Variants in AGAP1 observed in about 807,000 individuals in gnomAD.
AGAP1 encodes arf-GAP with GTPase, ANK repeat and PH domain-containing protein 1.
Under a neutral mutation model 105.3 loss-of-function variants are expected in AGAP1, and 29 were observed. The ratio of observed to expected loss-of-function variants is 0.28; its 90% CI spans 0.21 to 0.38. AGAP1 has a LOEUF of 0.38. Among genes scored for constraint, AGAP1 ranks in the 10% least tolerant of loss-of-function variants. The probability of loss-of-function intolerance (pLI) is 1.00; values close to 1 mark genes in which losing one functional copy is unlikely to be tolerated. For missense variants in AGAP1, 998 were observed against 1,165.1 expected, an observed-to-expected ratio of 0.86 and a Z score of 2.09; for synonymous variants, 509 against 485.9, an observed-to-expected ratio of 1.05 and a Z score of -0.63.
intron 6 of AGAP1, among the ~76,000 whole-genome samples, chr2:235,780,811 G>C (rs148365648): frequency 2.0e-5 from 3 of 152,332 alleles, no homozygotes; most frequent in Admixed American, 1.3e-4. Context: ...GGTAGAAACA[G>C]TTGATCCTGG....
chr2:235,774,443 C>T (rs1220006546), intron 6 of AGAP1: 4 of 463,802 alleles, frequency 8.6e-6, no homozygotes, highest in Non-Finnish European at 1.8e-5. Flanking sequence ...AGTCACTTTT[C>T]CCAAGTCAGC....
At chr2:235,537,192 AG>A (rs1360742905) in intron 1 of AGAP1, among the ~76,000 whole-genome samples, 1 of 152,246 alleles carries the variant, frequency 6.6e-6, no homozygotes, top group African/African-American at 2.4e-5. Context: ...CAGCTAGCAA[AG>A]GTGGCAAGGA....
chr2:235,697,598 T>G (rs1039970948), intron 1 of AGAP1, among the ~76,000 whole-genome samples: 1 of 152,168 alleles, frequency 6.6e-6, no homozygotes, highest in Non-Finnish European at 1.5e-5. Context: ...CCAACCAATT[T>G]CTTAGTCTGC....
rs1477077077 is a variant in AGAP1, at chr2:235,494,239, G to A, written c.-448G>A. The A allele has an allele frequency of 6.9e-6, 1 of 145,472 alleles. No individual in the cohort carries two copies. Among genetic ancestry groups the A allele is most frequent in the Non-Finnish European group, 1.5e-5 (1 of 65,528 alleles). 9.0% of individuals were successfully genotyped at this position (145,472 alleles called of 1,614,324 possible). ...CCCACGCCACGGCCAGGAGCCCAGA[G>A]CAGCGCGGCCACACTGCCCAGGGGT... On this transcript the variant is annotated 5_prime_UTR_variant, in exon 1 of 18. Transcript: ENST00000304032.
chr2:235,925,993 A>G (rs1311302772), intron 11 of AGAP1, among the ~76,000 whole-genome samples: 1 of 152,266 alleles, frequency 6.6e-6, no homozygotes, highest in Non-Finnish European at 1.5e-5. Flanking sequence ...GAGTGAGAAT[A>G]CAGTGATTTT....
intron 16 of AGAP1, among the ~76,000 whole-genome samples, chr2:236,117,575 C>G (rs1244698877): frequency 6.6e-6 from 1 of 152,178 alleles, no homozygotes; most frequent in African/African-American, 2.4e-5. Flanking sequence ...TGGTTTATCC[C>G]TGGGTGATTT....
chr2:235,499,274 C>G (rs970685743), intron 1 of AGAP1, among the ~76,000 whole-genome samples: 2 of 152,182 alleles, frequency 1.3e-5, no homozygotes, highest in Non-Finnish European at 2.9e-5. Flanking sequence ...TTGAGAAGGC[C>G]CCAAAGAACC....
chr2:236,015,639 G>T (rs112940187), intron 13 of AGAP1, among the ~76,000 whole-genome samples: 21 of 152,120 alleles, frequency 1.4e-4, no homozygotes, highest in African/African-American at 4.8e-4. Flanking sequence ...CAGCCCAAGC[G>T]CACATAAGGG....
At chr2:235,827,920 C>T (rs1959161656) in intron 9 of AGAP1, among the ~76,000 whole-genome samples, 1 of 152,108 alleles carries the variant, frequency 6.6e-6, no homozygotes, top group African/African-American at 2.4e-5. Context: ...AGGGAGGCTG[C>T]ACTGGCTTCT....
rs138781115 is a variant in AGAP1 at position 235,498,611 on chromosome 2, C to G, written c.163+3762C>G. ...CCTTTCTTGTTCAATAAAGCTTGTT[C>G]TTCTTTCAAGGATAAAGCCTCTCTT... On this transcript the variant is annotated intron_variant, in intron 1 of 17. Coordinates refer to ENST00000304032, the MANE Select transcript of AGAP1 (RefSeq NM_001037131.3). Among the ~76,000 whole-genome samples the G allele has an allele frequency of 5.1e-3, 781 of 152,304 alleles. 6 individuals carry two copies. The highest frequency in any genetic ancestry group is 0.017 in the African/African-American group (722 of 41,560).
intron 1 of AGAP1, among the ~76,000 whole-genome samples, chr2:235,687,429 G>C (rs1949508006): frequency 2.6e-5 from 4 of 152,256 alleles, no homozygotes; most frequent in South Asian, 4.1e-4. Context: ...GCAGACCTTT[G>C]AGTCCAGATT....
rs574679184 is a variant in AGAP1, at chr2:235,568,608, C to T, written c.163+73759C>T. Among the ~76,000 whole-genome samples the T allele has an allele frequency of 7.2e-5, 11 of 152,200 alleles. No individual in the cohort carries two copies. In the South Asian group the frequency reaches 1.5e-3, roughly 20 times the overall value. On this transcript the variant is annotated intron_variant, in intron 1 of 17. Transcript: ENST00000304032. ...ATGTGGATCGCTGCTGGCTCAGTGC[C>T]GGTTGTAAAAGGAAGCAATTGCAGT... is the stretch of plus-strand genomic sequence containing the variant.
chr2:235,615,664 G>C lies in AGAP1; in HGVS notation c.164-93515G>C, dbSNP rs905925476. Among the ~76,000 whole-genome samples the C allele has an allele frequency of 1.3e-5, 2 of 152,156 alleles. No homozygotes were observed. The highest frequency in any genetic ancestry group is 4.8e-5 in the African/African-American group (2 of 41,442). ...TGCATTTTGCCTCTTGGGGAGCTGG[G>C]TTATTGTGAAACTAGGTCAAATTAT... On this transcript the variant is annotated intron_variant, in intron 1 of 17. Transcript: ENST00000304032. This position sits in a 1 kb window ranked among gnomAD's most constrained non-coding sequence, Gnocchi z 5.0.
At chr2:235,718,160 T>C (rs1003456767) in intron 3 of AGAP1, among the ~76,000 whole-genome samples, 8 of 152,228 alleles carry the variant, frequency 5.3e-5, no homozygotes, top group African/African-American at 1.9e-4. Flanking sequence ...CATTAGGCAT[T>C]TGCTTCTTCA....
chr2:236,040,222 G>A lies in AGAP1; in HGVS notation c.1801-529G>A, dbSNP rs371649969. On this transcript the variant is annotated intron_variant, in intron 14 of 17. Transcript: ENST00000304032. The surrounding 1 kb of genome is among the most constrained non-coding windows in gnomAD (Gnocchi z 5.6). ...TGTTTCTCCCTGCCCCCACCCTGGC[G>A]AGTGGCTTTGTCACTGTGGCAACCG... Among the ~76,000 whole-genome samples the A allele has an allele frequency of 6.6e-6, 1 of 152,274 alleles. No homozygotes were observed. The highest frequency in any genetic ancestry group is 2.1e-4 in the South Asian group (1 of 4,816).
At chr2:236,107,294 T>C (rs2059522955) in intron 16 of AGAP1, among the ~76,000 whole-genome samples, 1 of 152,134 alleles carries the variant, frequency 6.6e-6, no homozygotes, top group Non-Finnish European at 1.5e-5. Context: ...GCTGGGTGCT[T>C]CCTGAGTGCT....
intron 1 of AGAP1, among the ~76,000 whole-genome samples, chr2:235,679,161 A>G (rs1293986309): frequency 6.6e-6 from 1 of 152,206 alleles, no homozygotes; most frequent in East Asian, 1.9e-4. Context: ...CTTGACAACA[A>G]TACTTCGGTT....
At chr2:235,940,835 T>C (rs1485067386) in intron 12 of AGAP1, among the ~76,000 whole-genome samples, 3 of 152,164 alleles carry the variant, frequency 2.0e-5, no homozygotes, top group Non-Finnish European at 4.4e-5. Flanking sequence ...TGTCTCCACT[T>C]TCTTGACTAC....
chr2:235,737,729 C>T lies in AGAP1; in HGVS notation c.311-3234C>T, dbSNP rs941202816. Among the ~76,000 whole-genome samples the T allele has an allele frequency of 2.0e-5, 3 of 152,034 alleles. No homozygotes were observed. The highest frequency in any genetic ancestry group is 1.9e-4 in the East Asian group (1 of 5,180). ...TCATTCCACGAGAGCTGGGTGGTGA[C>T]GCTCCCCAAGTTCCCACTCCTGGAG... On this transcript the variant is annotated intron_variant, in intron 3 of 17. Transcript: ENST00000304032. This position sits in a 1 kb window ranked among gnomAD's most constrained non-coding sequence, Gnocchi z 4.5.
Sources: allele counts gnomAD v4.1 joint callset (sites outside exome capture counted in the v4.1 genomes callset), GRCh38; gene constraint gnomAD v4.1.1; non-coding constraint Gnocchi (gnomAD v3.1); transcripts MANE v1.5; gene names NCBI Gene and HGNC (gene_info 2026-07-23, HGNC 2026-07-21).